Variants in ACSS3 observed in about 807,000 individuals in gnomAD.
ACSS3 encodes the protein acyl-CoA synthetase short-chain family member 3, mitochondrial.
Under a neutral mutation model 84.2 loss-of-function variants are expected in ACSS3, and 64 were observed. The observed-to-expected ratio is 0.76, with a 90% CI of 0.62 to 0.94. The LOEUF (loss-of-function observed/expected upper bound fraction) is 0.94. Among genes scored for constraint, ACSS3 ranks in the 40% least tolerant of loss-of-function variants. The probability of loss-of-function intolerance (pLI) is 0.00; values close to 1 mark genes in which losing one functional copy is unlikely to be tolerated. For synonymous variants in ACSS3, 317 were observed against 310.1 expected (o/e 1.02, Z -0.23); for missense variants, 815 against 867.6 (o/e 0.94, Z 0.76).
chr12:81,124,637 C>T (rs1466657912), intron 2 of ACSS3: 1 of 152,168 alleles, frequency 6.6e-6, no homozygotes, highest in African/African-American at 2.4e-5. Flanking sequence ...GTAAGTTTCT[C>T]TTTTACTCTC....
intron 11 of ACSS3, among the ~76,000 whole-genome samples, chr12:81,221,141 T>C (rs116219609): frequency 7.0e-4 from 107 of 152,132 alleles, no homozygotes; most frequent in Middle Eastern, 3.4e-3. Flanking sequence ...TTAAAATTTA[T>C]ATGCTAGTGG....
At chr12:81,143,908 A>G (rs2135734263) in intron 5 of ACSS3, among the ~76,000 whole-genome samples, 1 of 152,328 alleles carries the variant, frequency 6.6e-6, no homozygotes, top group African/African-American at 2.4e-5. Context: ...TTTGCCTGGT[A>G]TCTCCAAATA....
At chr12:81,144,254 T>C (rs1231747445) in intron 5 of ACSS3, among the ~76,000 whole-genome samples, 1 of 152,216 alleles carries the variant, frequency 6.6e-6, no homozygotes, top group Non-Finnish European at 1.5e-5. Flanking sequence ...ACACAGGTTA[T>C]GTTTTAGTAT....
intron 12 of ACSS3, among the ~76,000 whole-genome samples, chr12:81,232,315 T>C (rs761692931): frequency 7.2e-5 from 11 of 151,982 alleles, no homozygotes; most frequent in Non-Finnish European, 1.6e-4. Flanking sequence ...GTCTACACTA[T>C]GTGAAGTGAC....
At chr12:81,191,930 C>A (rs1005491618) in intron 8 of ACSS3, among the ~76,000 whole-genome samples, 1 of 152,126 alleles carries the variant, frequency 6.6e-6, no homozygotes, top group Admixed American at 6.5e-5. Context: ...CAGTTCTCTG[C>A]TAATATTCTA....
At chr12:81,178,320 G>C (rs902499664) in intron 8 of ACSS3, among the ~76,000 whole-genome samples, 1 of 145,270 alleles carries the variant, frequency 6.9e-6, no homozygotes, top group Non-Finnish European at 1.5e-5. Context: ...GTTGTGGGAT[G>C]GGGGGAGGGG....
intron 13 of ACSS3, among the ~76,000 whole-genome samples, chr12:81,245,889 T>C (rs753990352): frequency 4.6e-5 from 7 of 152,090 alleles, no homozygotes; most frequent in Non-Finnish European, 7.4e-5. Flanking sequence ...AGAGGTCCCT[T>C]TTCCCTCTTT....
At chr12:81,108,369 C>T (rs939478671) in intron 1 of ACSS3, among the ~76,000 whole-genome samples, 6 of 151,914 alleles carry the variant, frequency 3.9e-5, no homozygotes, top group Admixed American at 2.6e-4. Context: ...ACCTCCACCT[C>T]CTGGGTTCAA....
intron 8 of ACSS3, among the ~76,000 whole-genome samples, chr12:81,175,959 G>A (rs556850362): frequency 6.5e-4 from 99 of 152,022 alleles, no homozygotes; most frequent in Non-Finnish European, 1.0e-3. Flanking sequence ...AAACCAGAGC[G>A]GACCATTCCC....
Position 81,135,011 on chromosome 12 carries a change from G to A in ACSS3, c.645+7G>A. The A allele has an allele frequency of 6.4e-7, 1 of 1,565,660 alleles. No homozygotes were observed. The highest frequency in any genetic ancestry group is 8.7e-7 in the Non-Finnish European group (1 of 1,151,780). On this transcript the variant is annotated splice_region_variant and intron_variant, in intron 3 of 15. Coordinates refer to ENST00000548058, the MANE Select transcript of ACSS3 (RefSeq NM_024560.4). ...TCGCATTGATCATGTAAAGGTAAGT[G>A]CTTTATTTTGGGAAATCAAGTAGTA...
chr12:81,141,278 C>A (rs927286548), intron 4 of ACSS3, among the ~76,000 whole-genome samples: 1 of 152,064 alleles, frequency 6.6e-6, no homozygotes, highest in Non-Finnish European at 1.5e-5. Context: ...TCTATTAGAC[C>A]TGCTGTTTTG....
chr12:81,135,647 C>T (rs548950114), intron 3 of ACSS3, among the ~76,000 whole-genome samples: 1 of 151,536 alleles, frequency 6.6e-6, no homozygotes, highest in East Asian at 1.9e-4. Context: ...TATGCAAAGA[C>T]ATATAGAGTG....
At chr12:81,205,658 C>A (rs532592041) in intron 9 of ACSS3, among the ~76,000 whole-genome samples, 3 of 152,016 alleles carry the variant, frequency 2.0e-5, no homozygotes, top group Non-Finnish European at 2.9e-5. Context: ...TTTCCGTGAT[C>A]ATCCTCTTCC....
intron 13 of ACSS3, among the ~76,000 whole-genome samples, chr12:81,243,143 T>C (rs141745571): frequency 0.43 from 65,141 of 151,754 alleles, 14,899 homozygotes; most frequent in Non-Finnish European, 0.52. Flanking sequence ...CTTAAGCTGA[T>C]AAGCAACTTC....
chr12:81,123,844 C>A (rs958322773), intron 2 of ACSS3, among the ~76,000 whole-genome samples: 1 of 152,154 alleles, frequency 6.6e-6, no homozygotes, highest in Non-Finnish European at 1.5e-5. Context: ...ATATGTACCA[C>A]ATTTTCTTTA....
chr12:81,130,621 C>G (rs1593104618), intron 2 of ACSS3, among the ~76,000 whole-genome samples: 1 of 152,114 alleles, frequency 6.6e-6, no homozygotes, highest in Non-Finnish European at 1.5e-5. Context: ...TGCAGAAGCT[C>G]TTTAGTTTAA....
At chr12:81,171,298 A>G (rs1353085248) in intron 7 of ACSS3, among the ~76,000 whole-genome samples, 2 of 152,174 alleles carry the variant, frequency 1.3e-5, no homozygotes, top group East Asian at 1.9e-4. Context: ...AAGTGTTTAC[A>G]TTATTCAGGG....
At chr12:81,228,065 G>A (rs1476488742) in intron 11 of ACSS3, among the ~76,000 whole-genome samples, 2 of 151,690 alleles carry the variant, frequency 1.3e-5, no homozygotes, top group Non-Finnish European at 2.9e-5. Context: ...TATTCTTAAT[G>A]ATTAAGATTA....
intron 7 of ACSS3, among the ~76,000 whole-genome samples, chr12:81,156,177 T>G (rs1214486422): frequency 6.9e-6 from 1 of 144,332 alleles, no homozygotes; most frequent in South Asian, 2.2e-4. Flanking sequence ...ATAGGAAATA[T>G]CCAGGAAAAC....
Sources: gnomAD v4.1 joint callset for allele counts (sites outside exome capture counted in the v4.1 genomes callset) on GRCh38, gnomAD v4.1.1 for gene constraint, MANE v1.5 for transcripts, NCBI Gene and HGNC (gene_info 2026-07-23, HGNC 2026-07-21) for gene names.